The following PDE1A variants were observed in gnomAD, a reference collection of about 807,000 sequenced individuals.
PDE1A encodes phosphodiesterase 1A.
Under a neutral mutation model 61.7 loss-of-function variants are expected in PDE1A, and 35 were observed. That is an observed-to-expected ratio of 0.57 (90% confidence interval 0.43 to 0.75). The LOEUF is 0.75. Ranked by LOEUF, PDE1A falls within the 30% of genes least tolerant of loss-of-function variation. The pLI is 0.00. For synonymous variants in PDE1A, 232 were observed against 213.2 expected (o/e 1.09, Z -0.77); for missense variants, 597 against 630.6 (o/e 0.95, Z 0.57).
intron 2 of PDE1A, among the ~76,000 whole-genome samples, chr2:182,505,836 G>A (rs73044443): frequency 0.012 from 1,896 of 152,232 alleles, 41 homozygotes; most frequent in African/African-American, 0.044. Flanking sequence ...GAATAAATTG[G>A]GCCATTACTG....
chr2:182,567,553 T>A, the PDE1A span, among the ~76,000 whole-genome samples: 2 of 152,006 alleles, frequency 1.3e-5, no homozygotes, highest in African/African-American at 4.8e-5. Flanking sequence ...ACAAACAAAA[T>A]CTCTTTACTA....
chr2:182,218,326 G>A (rs996185892), intron 7 of PDE1A, among the ~76,000 whole-genome samples: 4 of 149,688 alleles, frequency 2.7e-5, no homozygotes, highest in Non-Finnish European at 4.4e-5. Context: ...GCTAGATGAC[G>A]AGTTAGTGGG....
intron 1 of PDE1A, among the ~76,000 whole-genome samples, chr2:182,423,270 T>C (rs2125591977): frequency 6.6e-6 from 1 of 152,290 alleles, no homozygotes; most frequent in Admixed American, 6.5e-5. Flanking sequence ...TACGAAAATA[T>C]ATACCTAAAA....
At chr2:182,205,681 A>C (rs182234311) in intron 8 of PDE1A, among the ~76,000 whole-genome samples, 1 of 152,300 alleles carries the variant, frequency 6.6e-6, no homozygotes, top group East Asian at 1.9e-4. Context: ...TGTATATAAA[A>C]TTATTTGTTG....
At chr2:182,391,821 TC>T (rs1243608000) in intron 1 of PDE1A, among the ~76,000 whole-genome samples, 1 of 152,210 alleles carries the variant, frequency 6.6e-6, no homozygotes, top group African/African-American at 2.4e-5. Flanking sequence ...ATCACAGTAT[TC>T]CTGGAAGTGA....
intron 13 of PDE1A, among the ~76,000 whole-genome samples, chr2:182,177,923 A>T (rs1684409367): frequency 6.6e-6 from 1 of 152,320 alleles, no homozygotes; most frequent in African/African-American, 2.4e-5. Context: ...TTTTCTGTAA[A>T]GTGAGGAAAC....
At chr2:182,239,986 GTTATCA>G (rs1329902995) in intron 3 of PDE1A, 118 bp downstream of exon 3, 2 of 787,250 alleles carry the variant, frequency 2.5e-6, no homozygotes, top group Non-Finnish European at 3.8e-6. Context: ...GTTCATTCTA[GTTATCA>G]TTATGATCAC....
the PDE1A span, among the ~76,000 whole-genome samples, chr2:182,608,843 G>A: frequency 6.6e-6 from 1 of 152,260 alleles, no homozygotes; most frequent in African/African-American, 2.4e-5. Context: ...TCCACTGGGT[G>A]AAGCCAGCTG....
At chr2:182,381,716 G>A (rs914111482) in intron 1 of PDE1A, among the ~76,000 whole-genome samples, 1 of 152,060 alleles carries the variant, frequency 6.6e-6, no homozygotes, top group African/African-American at 2.4e-5. Context: ...GGAGGCTGAG[G>A]CGGGAGAATC....
the PDE1A span, among the ~76,000 whole-genome samples, chr2:182,580,375 C>G: frequency 7.2e-5 from 11 of 152,244 alleles, no homozygotes; most frequent in Admixed American, 7.2e-4. Context: ...TTATGGGTAG[C>G]TGTCTTCTCC....
At chr2:182,426,473 G>A in intron 1 of PDE1A, 105 bp downstream of exon 1, 1 of 816,962 alleles carries the variant, frequency 1.2e-6, no homozygotes, top group Non-Finnish European at 2.1e-6. Flanking sequence ...AAGCACTCTT[G>A]ATTGCTCTGC....
chr2:182,170,592 AAGTT>A (rs1692114577), intron 13 of PDE1A, among the ~76,000 whole-genome samples: 2 of 151,996 alleles, frequency 1.3e-5, no homozygotes, highest in African/African-American at 4.8e-5. Context: ...AGAAATGAGA[AAGTT>A]AGATTCATTT....
chr2:182,605,144 G>A, the PDE1A span, among the ~76,000 whole-genome samples: 5 of 151,758 alleles, frequency 3.3e-5, no homozygotes, highest in South Asian at 2.1e-4. Context: ...TTTCAAGCCC[G>A]TCTCTGCCCT....
At chr2:182,615,922 A>G in the PDE1A span, among the ~76,000 whole-genome samples, 1 of 152,168 alleles carries the variant, frequency 6.6e-6, no homozygotes, top group African/African-American at 2.4e-5. Context: ...TCAAGACCCA[A>G]TCACCTCTTA....
the PDE1A span, among the ~76,000 whole-genome samples, chr2:182,568,793 T>A: frequency 2.0e-5 from 3 of 152,048 alleles, no homozygotes; most frequent in Non-Finnish European, 4.4e-5. Flanking sequence ...ATTAGCTGAA[T>A]AAAATGGCTT....
intron 1 of PDE1A, among the ~76,000 whole-genome samples, chr2:182,280,226 C>A (rs1199997446): frequency 6.6e-6 from 1 of 151,778 alleles, no homozygotes; most frequent in Non-Finnish European, 1.5e-5. Flanking sequence ...CCCCTAAGCC[C>A]CATTTACATC....
chr2:182,187,737 C>CTT (rs1038970569), intron 11 of PDE1A, among the ~76,000 whole-genome samples: 1,276 of 66,426 alleles, frequency 0.019, 4 homozygotes, highest in Middle Eastern at 0.065. Flanking sequence ...TTTTTTTGTT[C>CTT]TTTTTTTTTT....
intron 7 of PDE1A, among the ~76,000 whole-genome samples, chr2:182,222,557 C>T (rs572524058): frequency 6.6e-6 from 1 of 151,940 alleles, no homozygotes; most frequent in South Asian, 2.1e-4. Context: ...TAGTTAATAA[C>T]AATGTATCGA....
chr2:182,499,818 C>T (rs1005215207), intron 2 of PDE1A, among the ~76,000 whole-genome samples: 1 of 152,142 alleles, frequency 6.6e-6, no homozygotes, highest in African/African-American at 2.4e-5. Flanking sequence ...AGAAGCTCAT[C>T]CCCTAAACAG....
Sources: allele counts gnomAD v4.1 joint callset (sites outside exome capture counted in the v4.1 genomes callset), GRCh38; gene constraint gnomAD v4.1.1; transcripts MANE v1.5; gene names NCBI Gene and HGNC (gene_info 2026-07-23, HGNC 2026-07-21).